ANO6: variants seen among roughly 807,000 people sequenced by gnomAD.
ANO6 encodes anoctamin 6.
ANO6 carries 106 observed loss-of-function variants against 117.5 expected under a neutral mutation model. That is an observed-to-expected ratio of 0.90 (90% CI 0.77 to 1.06). The LOEUF is 1.06. ANO6 is among the 50% of genes least tolerant of loss of function. The pLI is 0.00. For missense variants in ANO6, 955 were observed against 1,121.1 expected (o/e 0.85, Z 2.12); for synonymous variants, 367 against 385.1 (o/e 0.95, Z 0.55).
intron 1 of ANO6, among the ~76,000 whole-genome samples, chr12:45,220,151 G>GT (rs1947375025): frequency 6.6e-6 from 1 of 152,150 alleles, no homozygotes; most frequent in South Asian, 2.1e-4. Context: ...CTGTGGTCAA[G>GT]CTTTGCTGAA....
At chr12:45,243,718 T>TTTTG (rs1449131280) in intron 1 of ANO6, among the ~76,000 whole-genome samples, 1 of 152,034 alleles carries the variant, frequency 6.6e-6, no homozygotes, top group Non-Finnish European at 1.5e-5. Context: ...CCTGGCTAAT[T>TTTTG]TTTGTGTTTT....
intron 1 of ANO6, among the ~76,000 whole-genome samples, chr12:45,229,918 G>A (rs1200267690): frequency 7.3e-6 from 1 of 136,472 alleles, no homozygotes; most frequent in Admixed American, 8.7e-5. Flanking sequence ...TACTTCATAC[G>A]AAACGGTTGT....
intron 8 of ANO6, among the ~76,000 whole-genome samples, chr12:45,362,183 T>C (rs1283021328): frequency 6.6e-6 from 1 of 152,110 alleles, no homozygotes; most frequent in Non-Finnish European, 1.5e-5. Flanking sequence ...AAAATAGGTC[T>C]ATTCAAGTTT....
intron 15 of ANO6, among the ~76,000 whole-genome samples, chr12:45,408,207 CTCATTG>C (rs1481955056): frequency 2.6e-5 from 4 of 152,186 alleles, no homozygotes; most frequent in African/African-American, 9.7e-5. Flanking sequence ...GCGATGCCTT[CTCATTG>C]TCAGAGTTTG....
chr12:45,403,855 T>C (rs914743301), intron 15 of ANO6, among the ~76,000 whole-genome samples: 1 of 152,244 alleles, frequency 6.6e-6, no homozygotes, highest in Non-Finnish European at 1.5e-5. Flanking sequence ...GTTAGAGCTG[T>C]GAACTGTGTA....
chr12:45,296,653 C>T (rs1223568661), intron 1 of ANO6, among the ~76,000 whole-genome samples: 2 of 152,164 alleles, frequency 1.3e-5, no homozygotes, highest in East Asian at 1.9e-4. Flanking sequence ...TATCTAACAT[C>T]AGGAGTTCTT....
intron 12 of ANO6, among the ~76,000 whole-genome samples, chr12:45,396,083 T>A (rs891730703): frequency 6.6e-6 from 1 of 152,140 alleles, no homozygotes; most frequent in Non-Finnish European, 1.5e-5. Context: ...GATTTTATAT[T>A]TAGAAAACCC....
intron 1 of ANO6, among the ~76,000 whole-genome samples, chr12:45,272,186 G>GTTTTTTTTT (rs5797936): frequency 6.7e-6 from 1 of 148,868 alleles, no homozygotes. Flanking sequence ...ACCTTTTTGG[G>GTTTTTTTTT]TTTTTTTTTC....
intron 10 of ANO6, among the ~76,000 whole-genome samples, chr12:45,384,898 C>T (rs1439629498): frequency 6.6e-6 from 1 of 152,100 alleles, no homozygotes; most frequent in Non-Finnish European, 1.5e-5. Flanking sequence ...CTGTAAAGCA[C>T]GATAAATCAA....
At chr12:45,222,377 T>G (rs986760607) in intron 1 of ANO6, among the ~76,000 whole-genome samples, 1 of 152,096 alleles carries the variant, frequency 6.6e-6, no homozygotes, top group African/African-American at 2.4e-5. Context: ...GCTAGGCTGG[T>G]TTCGAACTCC....
intron 1 of ANO6, among the ~76,000 whole-genome samples, chr12:45,264,132 G>T (rs1411274913): frequency 6.6e-6 from 1 of 152,166 alleles, no homozygotes; most frequent in Non-Finnish European, 1.5e-5. Flanking sequence ...TCTTGATTTA[G>T]CTGCTGGTCA....
At chr12:45,252,253 A>G (rs555858737) in intron 1 of ANO6, among the ~76,000 whole-genome samples, 1 of 152,366 alleles carries the variant, frequency 6.6e-6, no homozygotes, top group South Asian at 2.1e-4. Context: ...GCAATTTATG[A>G]TTAAACAACC....
At chr12:45,240,262 C>A (rs767772552) in intron 1 of ANO6, among the ~76,000 whole-genome samples, 34 of 151,332 alleles carry the variant, frequency 2.2e-4, no homozygotes, top group Non-Finnish European at 4.1e-4. Context: ...GAATTGATCC[C>A]TTTACCATTA....
intron 1 of ANO6, among the ~76,000 whole-genome samples, chr12:45,240,094 C>T (rs1459022862): frequency 4.6e-5 from 7 of 152,038 alleles, no homozygotes; most frequent in Non-Finnish European, 8.8e-5. Context: ...CCTTCGTTCT[C>T]GTTGATCTGT....
downstream of ANO6, among the ~76,000 whole-genome samples, chr12:45,433,204 C>CCAAT (rs758758635): frequency 2.6e-5 from 4 of 152,222 alleles, no homozygotes; most frequent in Non-Finnish European, 4.4e-5. Flanking sequence ...TCAGTGGCCT[C>CCAAT]CAATCAGGCA....
downstream of ANO6, among the ~76,000 whole-genome samples, chr12:45,432,723 C>T (rs113063525): frequency 9.2e-3 from 1,394 of 152,232 alleles, 18 homozygotes; most frequent in African/African-American, 0.03. Flanking sequence ...TTAAAATACT[C>T]GTTATATGAC....
intron 8 of ANO6, among the ~76,000 whole-genome samples, chr12:45,364,656 T>A (rs1469591794): frequency 2.0e-5 from 3 of 152,346 alleles, no homozygotes; most frequent in East Asian, 3.9e-4. Flanking sequence ...CCTATCTCTA[T>A]TGATATTCTC....
rs1286892459 is a variant in ANO6, at chr12:45,296,003, G to A, written c.71-6011G>A. Among the ~76,000 whole-genome samples, 3 of 152,118 alleles carry A rather than the reference G, an allele frequency of 2.0e-5. No homozygotes were observed. In the East Asian group the frequency reaches 5.8e-4, roughly 29 times the overall value. On this transcript the variant is annotated intron_variant, in intron 1 of 19. Coordinates refer to ENST00000320560, the MANE Select transcript of ANO6 (RefSeq NM_001025356.3). ...AGCCTCCTGAGTAGCTGGGACTACA[G>A]GCATGCACCACTATGCCCAGCTAAT... is the stretch of plus-strand genomic sequence containing the variant.
At chr12:45,418,664 C>T (rs1943275291) in intron 17 of ANO6, among the ~76,000 whole-genome samples, 1 of 152,110 alleles carries the variant, frequency 6.6e-6, no homozygotes, top group African/African-American at 2.4e-5. Context: ...GTACCTTTTC[C>T]CAGCATCCAT....
Sources: gnomAD v4.1 joint callset for allele counts (sites outside exome capture counted in the v4.1 genomes callset) on GRCh38, gnomAD v4.1.1 for gene constraint, MANE v1.5 for transcripts, NCBI Gene and HGNC (gene_info 2026-07-23, HGNC 2026-07-21) for gene names.